RASA2: variants seen among roughly 807,000 people sequenced by gnomAD.
RASA2 encodes RAS p21 protein activator 2.
RASA2 carries 155 observed loss-of-function variants against 118.2 expected under a neutral mutation model. The ratio of observed to expected loss-of-function variants is 1.31; its 90% CI spans 1.15 to 1.50. The LOEUF is 1.50. RASA2 is among the 40% of genes most tolerant of loss of function. The probability of loss-of-function intolerance (pLI) is 0.00; values close to 1 mark genes in which losing one functional copy is unlikely to be tolerated. For synonymous variants in RASA2, 353 were observed against 349.1 expected (o/e 1.01, Z -0.12); for missense variants, 1,016 against 1,009.6 (o/e 1.01, Z -0.09).
At chr3:141,609,597 A>G (rs1337491180) in intron 22 of RASA2, 74 bp downstream of exon 22, 8 of 1,189,232 alleles carry the variant, frequency 6.7e-6, no homozygotes, top group Non-Finnish European at 9.4e-6. Flanking sequence ...TTAGCATTAT[A>G]CAAAAGTTGA....
At chr3:141,604,003 T>G (rs1577826429) in intron 19 of RASA2, among the ~76,000 whole-genome samples, 1 of 152,256 alleles carries the variant, frequency 6.6e-6, no homozygotes, top group Non-Finnish European at 1.5e-5. Context: ...ACATTTAGGT[T>G]GTTTTTGGTT....
chr3:141,583,359 A>T (rs1453311698), intron 17 of RASA2, among the ~76,000 whole-genome samples: 1 of 152,158 alleles, frequency 6.6e-6, no homozygotes, highest in Non-Finnish European at 1.5e-5. Flanking sequence ...CAGGAGGTAG[A>T]GGTTGCAGTG....
intron 19 of RASA2, chr3:141,586,987 C>G: frequency 1.9e-6 from 1 of 515,986 alleles, no homozygotes; most frequent in South Asian, 2.0e-5. Flanking sequence ...TCAGTGTGCT[C>G]TGTTTTCTAA....
intron 1 of RASA2, among the ~76,000 whole-genome samples, chr3:141,509,562 T>C (rs1448288119): frequency 2.0e-5 from 3 of 152,330 alleles, no homozygotes; most frequent in East Asian, 1.9e-4. Context: ...ATTTTTTATA[T>C]TTTAGGTCCT....
chr3:141,519,261 G>T (rs907399586), intron 3 of RASA2, among the ~76,000 whole-genome samples: 5 of 151,956 alleles, frequency 3.3e-5, no homozygotes, highest in African/African-American at 1.2e-4. Flanking sequence ...CCACCCCCTG[G>T]CCATTCTTGC....
intron 1 of RASA2, among the ~76,000 whole-genome samples, chr3:141,488,290 C>T (rs1327575792): frequency 1.3e-5 from 2 of 152,096 alleles, no homozygotes; most frequent in Admixed American, 1.3e-4. Context: ...GCAGTATTCT[C>T]AGATTGGAAA....
chr3:141,487,177 C>T lies in RASA2; in HGVS notation c.94C>T (p.Arg32Cys), dbSNP rs1396381787. The T allele has an allele frequency of 4.1e-6, 6 of 1,465,054 alleles. No homozygotes were observed. The highest frequency in any genetic ancestry group is 5.5e-6 in the Non-Finnish European group (6 of 1,099,196). The allele number at this position is 1,465,054 out of a possible 1,614,324, so 90.8% of individuals were successfully genotyped here. ...GCCCGAGGCCGGGGACCAGGACAGT[C>T]GCGAGGTTCGAGTGTTGCAGAGCCT... ...AEPEAGDQDS[R>C]EVRVLQSLRG... Residue 32 changes from arginine to cysteine, a missense_variant, in exon 1 of 24, where the codon CGC (arginine) becomes TGC (cysteine). Coordinates refer to ENST00000286364, the MANE Select transcript of RASA2 (RefSeq NM_006506.5).
chr3:141,562,688 T>G (rs2082752879), intron 9 of RASA2, among the ~76,000 whole-genome samples: 1 of 151,582 alleles, frequency 6.6e-6, no homozygotes, highest in South Asian at 2.1e-4. Context: ...AAACTTTTTT[T>G]TTTTATACGG....
rs777543417 is a variant in RASA2 at position 141,518,482 on chromosome 3, C to CAAAAAAAAAA, written c.355+2078_355+2087dup. The stretch of plus-strand genomic sequence containing the variant: ...TCGGCAACAGAGCAAGACACCATCT[C>CAAAAAAAAAA]AAAAAAAAAAAAAAAAAAAAAAAAA... On this transcript the variant is annotated intron_variant, in intron 3 of 23. Coordinates refer to ENST00000286364, the MANE Select transcript of RASA2 (RefSeq NM_006506.5). Among the ~76,000 whole-genome samples, 15 of 27,046 alleles carry CAAAAAAAAAA rather than the reference C, an allele frequency of 5.5e-4. 2 individuals carry two copies. Among genetic ancestry groups the CAAAAAAAAAA allele is most frequent in the African/African-American group, 1.3e-3 (10 of 7,514 alleles). The allele number at this position is 27,046 out of a possible 152,430, so 17.7% of individuals were successfully genotyped here.
At position 141,580,378 on chromosome 3, in the gene RASA2, C is replaced by T; in HGVS notation, c.1601C>T (p.Thr534Ile). The part of the protein sequence containing the change: ...HLRPHHPDAQ[T>I]IRTLTLISKT... ...TTTTACATTCTTTAGGATGCACAGACAATTAGAACATTAACTCTCATCTCA... is the reference window on the plus strand; with the variant it reads ...TTTTACATTCTTTAGGATGCACAGATAATTAGAACATTAACTCTCATCTCA... Residue 534 changes from threonine to isoleucine, a missense_variant, in exon 16 of 24, where the codon ACA (threonine) becomes ATA (isoleucine). Thr to Ile is a moderately conservative substitution (Grantham distance 89). This residue lies in a region of RASA2 where 896 missense variants were observed against 836.4 expected (regional missense o/e 1.07). Transcript: ENST00000286364. 6.2e-7 allele frequency: 1 copy of T among 1,605,288 alleles called. No homozygotes were observed. The highest frequency in any genetic ancestry group is 8.5e-7 in the Non-Finnish European group (1 of 1,173,860).
chr3:141,512,802 C>CTT (rs990674058), intron 2 of RASA2, among the ~76,000 whole-genome samples: 1 of 152,196 alleles, frequency 6.6e-6, no homozygotes, highest in Non-Finnish European at 1.5e-5. Flanking sequence ...GTGGCTCACG[C>CTT]TTGTAATCCC....
At chr3:141,487,576 C>T (rs1373321975) in intron 1 of RASA2, among the ~76,000 whole-genome samples, 2 of 151,908 alleles carry the variant, frequency 1.3e-5, no homozygotes, top group African/African-American at 4.8e-5. Context: ...GAGGAGCTTC[C>T]GGCCGCCCTC....
At chr3:141,611,172 T>G (rs1239690315) in intron 23 of RASA2, among the ~76,000 whole-genome samples, 1 of 152,196 alleles carries the variant, frequency 6.6e-6, no homozygotes, top group Non-Finnish European at 1.5e-5. Context: ...AGTAGTTAAC[T>G]TCTACAGTTG....
chr3:141,574,129 A>G, intron 14 of RASA2, 62 bp downstream of exon 14: 1 of 1,125,372 alleles, frequency 8.9e-7, no homozygotes, highest in East Asian at 2.9e-5. Flanking sequence ...TATAGATATT[A>G]ATTACATGTT....
At chr3:141,600,340 C>G in intron 19 of RASA2, 1 of 528,416 alleles carries the variant, frequency 1.9e-6, no homozygotes, top group Non-Finnish European at 3.9e-6. Context: ...TAGGTTGTCT[C>G]TAAGCAATTG....
chr3:141,489,610 A>G (rs1450881086), intron 1 of RASA2, among the ~76,000 whole-genome samples: 2 of 152,208 alleles, frequency 1.3e-5, no homozygotes, highest in African/African-American at 2.4e-5. Context: ...CTGGAGAGTT[A>G]GAGATCTGTA....
chr3:141,536,935 C>T (rs990703006), intron 4 of RASA2, among the ~76,000 whole-genome samples: 23 of 151,666 alleles, frequency 1.5e-4, no homozygotes, highest in South Asian at 2.1e-4. Flanking sequence ...TTAGTAGAGA[C>T]GGGGTTTCTC....
At chr3:141,592,711 A>G (rs2083305642) in intron 19 of RASA2, among the ~76,000 whole-genome samples, 1 of 152,194 alleles carries the variant, frequency 6.6e-6, no homozygotes, top group African/African-American at 2.4e-5. Context: ...TAGTACCCAG[A>G]GGAGTTAGAT....
rs112093356 is a variant in RASA2 at position 141,493,084 on chromosome 3, G to A, written c.133+5868G>A. On this transcript the variant is annotated intron_variant, in intron 1 of 23. Coordinates refer to ENST00000286364, the MANE Select transcript of RASA2 (RefSeq NM_006506.5). ...ATGAAGAATCTAACAGAGACAGCAA[G>A]TGTCACACAGTTGATGGCCTGTTCG... Among the ~76,000 whole-genome samples the A allele has an allele frequency of 2.1e-3, 327 of 152,340 alleles. 4 individuals carry two copies. The highest frequency in any genetic ancestry group is 7.5e-3 in the African/African-American group (310 of 41,576).
Sources: gnomAD v4.1 joint callset for allele counts (sites outside exome capture counted in the v4.1 genomes callset) on GRCh38, gnomAD v4.1.1 for gene constraint, gnomAD v4.1.1 regional missense constraint, MANE v1.5 for transcripts, NCBI Gene and HGNC (gene_info 2026-07-23, HGNC 2026-07-21) for gene names.